FRMD6: variants seen among roughly 807,000 people sequenced by gnomAD.
The protein encoded by FRMD6 is FERM domain containing 6, also known as FERM domain-containing protein 6.
A neutral mutation model predicts 73.2 loss-of-function variants in FRMD6; 37 were observed. That is an observed-to-expected ratio of 0.51 (90% CI 0.39 to 0.66). The LOEUF is 0.66. Among genes scored for constraint, FRMD6 ranks in the 30% least tolerant of loss-of-function variants. The pLI is 0.00. For synonymous variants in FRMD6, 273 were observed against 282.2 expected (o/e 0.97, Z 0.33); for missense variants, 714 against 780.5 (o/e 0.91, Z 1.02).
intron 2 of FRMD6, among the ~76,000 whole-genome samples, chr14:51,642,356 A>C (rs1157703025): frequency 6.6e-6 from 1 of 152,166 alleles, no homozygotes; most frequent in Non-Finnish European, 1.5e-5. Context: ...CCTGGCCAAC[A>C]TTGTGAAACC....
the FRMD6 span, among the ~76,000 whole-genome samples, chr14:51,449,523 G>A: frequency 6.6e-6 from 1 of 152,180 alleles, no homozygotes. Context: ...CACTGTTCCA[G>A]AGAAGGCCAT....
At chr14:51,615,613 G>A (rs1379249782) in intron 2 of FRMD6, among the ~76,000 whole-genome samples, 6 of 152,092 alleles carry the variant, frequency 3.9e-5, no homozygotes, top group Admixed American at 3.9e-4. Flanking sequence ...CATTCACTTC[G>A]ACAAGCATAT....
intron 12 of FRMD6, among the ~76,000 whole-genome samples, chr14:51,723,360 T>C (rs1897736449): frequency 6.6e-6 from 1 of 152,210 alleles, no homozygotes; most frequent in Non-Finnish European, 1.5e-5. Context: ...CGTTTATATA[T>C]TTCTGCATTT....
chr14:51,707,332 T>C (rs997691888), intron 6 of FRMD6, among the ~76,000 whole-genome samples: 1 of 152,194 alleles, frequency 6.6e-6, no homozygotes, highest in African/African-American at 2.4e-5. Context: ...ATTTTGATTA[T>C]TTTAAGCACG....
At chr14:51,459,671 C>T in the FRMD6 span, among the ~76,000 whole-genome samples, 5 of 151,654 alleles carry the variant, frequency 3.3e-5, no homozygotes, top group African/African-American at 1.2e-4. Context: ...ACTAAAAATA[C>T]AAAAAAATAG....
At chr14:51,628,342 A>G (rs1245784043) in intron 2 of FRMD6, among the ~76,000 whole-genome samples, 2 of 152,196 alleles carry the variant, frequency 1.3e-5, no homozygotes, top group African/African-American at 4.8e-5. Context: ...TCCATCTTAC[A>G]TGTATAATTT....
At chr14:51,537,486 A>T (rs1258359149) in intron 1 of FRMD6, among the ~76,000 whole-genome samples, 1 of 152,214 alleles carries the variant, frequency 6.6e-6, no homozygotes, top group Non-Finnish European at 1.5e-5. Context: ...AATTTTATGT[A>T]GACTTAAGTT....
intron 1 of FRMD6, among the ~76,000 whole-genome samples, chr14:51,661,448 TG>T (rs1893214170): frequency 6.6e-6 from 1 of 152,188 alleles, no homozygotes; most frequent in South Asian, 2.1e-4. Context: ...ATCTACACAA[TG>T]GAAGAATGAA....
At chr14:51,486,985 C>A (rs1882776055), upstream of FRMD6, among the ~76,000 whole-genome samples, 1 of 151,128 alleles carries the variant, frequency 6.6e-6, no homozygotes, top group South Asian at 2.1e-4. Context: ...GTTCTGGGAC[C>A]AGCAGCATGA....
chr14:51,677,478 G>GGATTTTCCCT (rs1368703840), intron 1 of FRMD6, among the ~76,000 whole-genome samples: 5 of 152,064 alleles, frequency 3.3e-5, no homozygotes, highest in African/African-American at 4.8e-5. Flanking sequence ...CTAAGTTGGA[G>GGATTTTCCCT]GATTTTCCCT....
chr14:51,482,147 A>G, the FRMD6 span, among the ~76,000 whole-genome samples: 1 of 152,192 alleles, frequency 6.6e-6, no homozygotes, highest in Non-Finnish European at 1.5e-5. Context: ...TGTTTTCCAT[A>G]ACATAAAAGT....
chr14:51,406,980 ATAAACTGTTAC>A, the FRMD6 span, among the ~76,000 whole-genome samples: 1 of 152,158 alleles, frequency 6.6e-6, no homozygotes, highest in African/African-American at 2.4e-5. Context: ...GACAAACTTG[ATAAACTGTTAC>A]TAGTTCTAAT....
At chr14:51,637,205 G>A (rs890889911) in intron 2 of FRMD6, 1 of 152,112 alleles carries the variant, frequency 6.6e-6, no homozygotes, top group African/African-American at 2.4e-5. Context: ...CTGGGTGACG[G>A]AGCGTGACCC....
At chr14:51,701,981 G>C (rs1896353009) in intron 4 of FRMD6, among the ~76,000 whole-genome samples, 1 of 151,928 alleles carries the variant, frequency 6.6e-6, no homozygotes, top group African/African-American at 2.4e-5. Context: ...AACCTCCCTA[G>C]TAAGTCAGGA....
the FRMD6 span, among the ~76,000 whole-genome samples, chr14:51,480,124 A>G: frequency 1.3e-5 from 2 of 152,178 alleles, no homozygotes; most frequent in Non-Finnish European, 2.9e-5. Context: ...TTGAGCTATA[A>G]TCAGGGCTTG....
chr14:51,532,368 CAAAAAAAAAA>C (rs35803305), intron 1 of FRMD6, among the ~76,000 whole-genome samples: 1 of 117,838 alleles, frequency 8.5e-6, no homozygotes, highest in Non-Finnish European at 1.9e-5. Flanking sequence ...GACTCCATCT[CAAAAAAAAAA>C]AAAAAAAAAG....
chr14:51,727,260 A>G (rs1898020421), intron 13 of FRMD6, among the ~76,000 whole-genome samples: 1 of 152,186 alleles, frequency 6.6e-6, no homozygotes, highest in Non-Finnish European at 1.5e-5. Context: ...TTTCTTAATA[A>G]AATAATAACA....
intron 1 of FRMD6, among the ~76,000 whole-genome samples, chr14:51,687,079 G>A (rs1483907786): frequency 6.6e-6 from 1 of 152,006 alleles, no homozygotes; most frequent in Non-Finnish European, 1.5e-5. Flanking sequence ...TCCTCTTCCA[G>A]TCATCTTCTG....
At chr14:51,693,027 G>T (rs1465335183) in intron 2 of FRMD6, among the ~76,000 whole-genome samples, 1 of 152,120 alleles carries the variant, frequency 6.6e-6, no homozygotes, top group South Asian at 2.1e-4. Flanking sequence ...TACCTAGTGG[G>T]TACTGAATTT....
Sources: allele counts gnomAD v4.1 joint callset (sites outside exome capture counted in the v4.1 genomes callset), GRCh38; gene constraint gnomAD v4.1.1; transcripts MANE v1.5; gene names NCBI Gene and HGNC (gene_info 2026-07-23, HGNC 2026-07-21).